Variants in SCEL observed in about 807,000 individuals in gnomAD.
The protein encoded by SCEL is sciellin.
Under a neutral mutation model 117.6 loss-of-function variants are expected in SCEL, and 113 were observed. That is an observed-to-expected ratio of 0.96 (90% CI 0.83 to 1.12). The LOEUF (loss-of-function observed/expected upper bound fraction) is 1.12, where lower values mean the gene tolerates loss of function less well. Among genes scored for constraint, SCEL ranks in the 50% most tolerant of loss-of-function variants. The pLI, the probability that SCEL is intolerant of heterozygous loss-of-function variation, is 0.00. For synonymous variants in SCEL, 270 were observed against 256.2 expected (o/e 1.05, Z -0.51); for missense variants, 785 against 810.8 (o/e 0.97, Z 0.39).
chr13:77,609,131 A>G lies in SCEL; in HGVS notation c.1277+14A>G, dbSNP rs756843646. On this transcript the variant is annotated intron_variant, in intron 21 of 32. Transcript: ENST00000349847. ...AAGTACTGAAGGGTAAGATTTAATAAGCTCCCTTTTTTGTTTCATAGTAAC... is the reference window on the plus strand; with the variant it reads ...AAGTACTGAAGGGTAAGATTTAATAGGCTCCCTTTTTTGTTTCATAGTAAC... 5 of 1,576,580 alleles carry G rather than the reference A, an allele frequency of 3.2e-6. No individual in the cohort carries two copies. The highest frequency in any genetic ancestry group is 4.3e-6 in the Non-Finnish European group (5 of 1,164,362).
chr13:77,639,212 T>C (rs1411123235), intron 30 of SCEL, among the ~76,000 whole-genome samples: 1 of 152,192 alleles, frequency 6.6e-6, no homozygotes, highest in Non-Finnish European at 1.5e-5. Context: ...ACTCTTGAAG[T>C]GCTTACAGTC....
chr13:77,561,479 A>G lies in SCEL; in HGVS notation c.221+1616A>G, dbSNP rs1173572269. ...TAACATCACAGAATCAATCTCCCTA[A>G]AAGAGTAGGGCAGATTATTTTTCTC... On this transcript the variant is annotated intron_variant, in intron 4 of 32. Coordinates refer to ENST00000349847, the MANE Select transcript of SCEL (RefSeq NM_144777.3). Among the ~76,000 whole-genome samples the G allele has an allele frequency of 2.6e-5, 4 of 152,132 alleles. No individual in the cohort carries two copies. In the East Asian group the frequency reaches 7.7e-4, roughly 29 times the overall value.
intron 1 of SCEL, among the ~76,000 whole-genome samples, chr13:77,547,361 T>C (rs1159849175): frequency 6.6e-6 from 1 of 152,234 alleles, no homozygotes; most frequent in East Asian, 1.9e-4. Flanking sequence ...ATTCTTTTTT[T>C]AAAATAAAAA....
chr13:77,614,760 T>G (rs1289830866), intron 24 of SCEL, among the ~76,000 whole-genome samples: 2 of 152,128 alleles, frequency 1.3e-5, no homozygotes, highest in African/African-American at 4.8e-5. Context: ...AAAGGTTAAG[T>G]GATTTGACCA....
chr13:77,562,348 GA>G (rs2085032023), intron 4 of SCEL, among the ~76,000 whole-genome samples: 1 of 152,116 alleles, frequency 6.6e-6, no homozygotes, highest in Admixed American at 6.5e-5. Context: ...ATTTACACAC[GA>G]TGGTGAACCA....
intron 28 of SCEL, among the ~76,000 whole-genome samples, chr13:77,632,896 C>T (rs559995969): frequency 6.6e-6 from 1 of 152,284 alleles, no homozygotes; most frequent in East Asian, 1.9e-4. Context: ...CTCAAAGCAA[C>T]CTCTGGATCA....
Position 77,567,749 on chromosome 13 carries a change from G to C in SCEL, c.359+1G>C. ...CCTTGGATAACCAACTAACCAATAG[G>C]TACCAGTATCTACTAACTATGGGAA... On this transcript the variant is annotated splice_donor_variant, in intron 6 of 32. Transcript: ENST00000349847. LOFTEE classifies it high-confidence loss of function. The C allele has an allele frequency of 6.3e-7, 1 of 1,578,466 alleles. No homozygotes were observed. Among genetic ancestry groups the C allele is most frequent in the Non-Finnish European group, 8.7e-7 (1 of 1,155,098 alleles).
At chr13:77,607,993 C>A in intron 19 of SCEL, 63 bp from the exon 20 acceptor site, 2 of 1,278,408 alleles carry the variant, frequency 1.6e-6, no homozygotes, top group Non-Finnish European at 2.2e-6. Context: ...GCTTTATCTT[C>A]TTGTTGTCAG....
At chr13:77,613,609 G>A (rs1335404129) in intron 23 of SCEL, among the ~76,000 whole-genome samples, 1 of 151,820 alleles carries the variant, frequency 6.6e-6, no homozygotes, top group Non-Finnish European at 1.5e-5. Context: ...TGGAATTTTG[G>A]TTCACCCTCA....
intron 15 of SCEL, chr13:77,599,963 T>G (rs960014060): frequency 7.5e-6 from 4 of 533,668 alleles, no homozygotes; most frequent in Non-Finnish European, 1.3e-5. Context: ...GAGCTCTGTT[T>G]CCTCATTCCA....
intron 5 of SCEL, among the ~76,000 whole-genome samples, chr13:77,566,094 G>A (rs1297889922): frequency 1.3e-5 from 2 of 152,138 alleles, no homozygotes; most frequent in Non-Finnish European, 2.9e-5. Context: ...CATTACCATT[G>A]ATAGACTTAT....
chr13:77,558,759 T>A (rs982271576), intron 3 of SCEL, among the ~76,000 whole-genome samples: 3 of 137,786 alleles, frequency 2.2e-5, no homozygotes, highest in African/African-American at 8.3e-5. Flanking sequence ...GAGGTTGCAG[T>A]GAGCCGAGAT....
chr13:77,643,442 A>C (rs1481598463), intron 32 of SCEL, among the ~76,000 whole-genome samples: 3 of 152,160 alleles, frequency 2.0e-5, no homozygotes, highest in Non-Finnish European at 4.4e-5. Flanking sequence ...TAAATTAACA[A>C]GATTAAGTCC....
intron 28 of SCEL, among the ~76,000 whole-genome samples, chr13:77,634,111 C>T (rs1714794994): frequency 6.6e-6 from 1 of 152,114 alleles, no homozygotes; most frequent in African/African-American, 2.4e-5. Context: ...CAAAAATAAT[C>T]CTCATATTCT....
In SCEL at chr13:77,556,564, C is replaced by T. The variant is rs771500789; in HGVS notation, c.44-32C>T. ...GCCCACGCTCAACTCCACACTATTA[C>T]ATCTTCCAGTCTTTCATGTTTCTGT... On this transcript the variant is annotated intron_variant, in intron 2 of 32. Coordinates refer to ENST00000349847, the MANE Select transcript of SCEL (RefSeq NM_144777.3). 5.7e-6 allele frequency: 9 copies of T among 1,569,156 alleles called. No homozygotes were observed. In the South Asian group the frequency reaches 1.0e-4, roughly 17 times the overall value.
intron 1 of SCEL, among the ~76,000 whole-genome samples, chr13:77,537,614 G>C (rs560221398): frequency 9.1e-4 from 138 of 152,226 alleles, no homozygotes; most frequent in African/African-American, 3.2e-3. Flanking sequence ...CAGCAGGGAG[G>C]GGATCTGATG....
chr13:77,638,458 A>G (rs927370361), intron 30 of SCEL, among the ~76,000 whole-genome samples: 2 of 152,240 alleles, frequency 1.3e-5, no homozygotes, highest in African/African-American at 4.8e-5. Context: ...TAGTACCAAC[A>G]TCAGTGCATT....
chr13:77,640,793 G>T lies in SCEL; in HGVS notation c.1947+9G>T. 2 of 1,333,754 alleles carry T rather than the reference G, an allele frequency of 1.5e-6. No individual in the cohort carries two copies. Among genetic ancestry groups the T allele is most frequent in the East Asian group, 2.3e-5 (1 of 42,960 alleles). 82.6% of individuals were successfully genotyped at this position (1,333,754 alleles called of 1,614,324 possible). A position where few individuals can be genotyped will look rare whatever the true frequency, so the allele number is the denominator to read the frequency against. Reference sequence around the variant, plus strand: ...ATTCTACTTGCTTTAAGGTAAGGATGTGTTTATTTCACTTAATTAAATAAA... The same window carrying T: ...ATTCTACTTGCTTTAAGGTAAGGATTTGTTTATTTCACTTAATTAAATAAA... On this transcript the variant is annotated intron_variant, in intron 31 of 32. Coordinates refer to ENST00000349847, the MANE Select transcript of SCEL (RefSeq NM_144777.3).
chr13:77,536,602 C>T (rs1439767044), intron 1 of SCEL, among the ~76,000 whole-genome samples: 2 of 152,186 alleles, frequency 1.3e-5, no homozygotes, highest in Non-Finnish European at 2.9e-5. Context: ...TTTGATAAGG[C>T]TAGAAGAGTT....
Sources: allele counts gnomAD v4.1 joint callset (sites outside exome capture counted in the v4.1 genomes callset), GRCh38; gene constraint gnomAD v4.1.1; transcripts MANE v1.5; gene names NCBI Gene and HGNC (gene_info 2026-07-23, HGNC 2026-07-21).